Variants in ZNF212 observed in about 807,000 individuals in gnomAD.
ZNF212 encodes Zinc finger protein C2H2-150.
A neutral mutation model predicts 47.3 loss-of-function variants in ZNF212; 32 were observed. That is an observed-to-expected ratio of 0.68 (90% confidence interval 0.51 to 0.91). The LOEUF (loss-of-function observed/expected upper bound fraction) is 0.91, where lower values mean the gene tolerates loss of function less well. ZNF212 is among the 40% of genes least tolerant of loss of function. The probability of loss-of-function intolerance (pLI) is 0.00; values close to 1 mark genes in which losing one functional copy is unlikely to be tolerated. For missense variants in ZNF212, 555 were observed against 622.8 expected (o/e 0.89, Z 1.16); for synonymous variants, 242 against 253.8 (o/e 0.95, Z 0.44).
intron 4 of ZNF212, among the ~76,000 whole-genome samples, chr7:149,253,283 A>G (rs376351471): frequency 2.0e-5 from 3 of 152,306 alleles, no homozygotes; most frequent in East Asian, 3.9e-4. Context: ...TTTCACAGGG[A>G]TTAAATATAA....
intron 3 of ZNF212, among the ~76,000 whole-genome samples, chr7:149,251,595 C>T (rs1349624896): frequency 7.3e-6 from 1 of 137,800 alleles, no homozygotes; most frequent in Non-Finnish European, 1.5e-5. Flanking sequence ...TCAAATGATT[C>T]TCCCACCTCA....
rs1188423434 is a variant in ZNF212, at chr7:149,254,499, C to T, written c.*84C>T. The T allele has an allele frequency of 1.3e-6, 2 of 1,485,474 alleles. No homozygotes were observed. The highest frequency in any genetic ancestry group is 1.8e-6 in the Non-Finnish European group (2 of 1,125,880). 92.0% of individuals were successfully genotyped at this position (1,485,474 alleles called of 1,614,324 possible). On this transcript the variant is annotated 3_prime_UTR_variant, in exon 5 of 5. Coordinates refer to ENST00000335870, the MANE Select transcript of ZNF212 (RefSeq NM_012256.4). The surrounding 1 kb of genome is among the most constrained non-coding windows in gnomAD (Gnocchi z 4.5). ...AGACACTGCAGTCAGGGACTGAGTT[C>T]TTCCTGAGGGCAGTTGTTTGTGATT...
Position 149,239,676 on chromosome 7 carries a change from G to GGCA in ZNF212, c.-101_-100insAGC, listed in dbSNP as rs951055152. ...AGAATGCACCTGGCATCAACACGGC[G>GGCA]GCGGCGGCGGCGGCTTCCAACAGGC... On this transcript the variant is annotated 5_prime_UTR_variant, in exon 1 of 5. Coordinates refer to ENST00000335870, the MANE Select transcript of ZNF212 (RefSeq NM_012256.4). 5 of 1,274,710 alleles carry GGCA rather than the reference G, an allele frequency of 3.9e-6. No homozygotes were observed. Among genetic ancestry groups the GGCA allele is most frequent in the East Asian group, 3.1e-5 (1 of 32,500 alleles). 79.0% of individuals were successfully genotyped at this position (1,274,710 alleles called of 1,614,324 possible). A position where few individuals can be genotyped will look rare whatever the true frequency, so the allele number is the denominator to read the frequency against.
At chr7:149,251,853 C>T (rs1004525971) in intron 3 of ZNF212, among the ~76,000 whole-genome samples, 33 of 150,192 alleles carry the variant, frequency 2.2e-4, no homozygotes, top group African/African-American at 7.9e-4. Context: ...ATCTGTAATC[C>T]CAACACTTTG....
rs541709350 is a variant in ZNF212 at position 149,254,851 on chromosome 7, A to G, written c.*436A>G. The G allele has an allele frequency of 4.2e-5, 7 of 164,930 alleles. No individual in the cohort carries two copies. The East Asian group carries it at 9.0e-4, about 21-fold the overall frequency. The allele number at this position is 164,930 out of a possible 1,614,324, so 10.2% of individuals were successfully genotyped here. ...TCTTGTTTTATAATCTCTTTGTTTA[A>G]TAATAAGTAGAAGAAATAATTTAAA... On this transcript the variant is annotated 3_prime_UTR_variant, in exon 5 of 5. Transcript: ENST00000335870. The surrounding 1 kb of genome is among the most constrained non-coding windows in gnomAD (Gnocchi z 4.5).
chr7:149,244,014 C>G (rs971862331), intron 1 of ZNF212, among the ~76,000 whole-genome samples: 12 of 152,142 alleles, frequency 7.9e-5, no homozygotes, highest in African/African-American at 2.4e-4. Flanking sequence ...TGCAACCTTG[C>G]AACCTCTGCC....
chr7:149,254,745 T>G lies in ZNF212; in HGVS notation c.*330T>G. ...TTCCAGGGCTCGTCCCGGCATTTCA[T>G]GTCTTCCCACGGGGTTGAGTCGGGC... On this transcript the variant is annotated 3_prime_UTR_variant, in exon 5 of 5. Transcript: ENST00000335870. This position sits in a 1 kb window ranked among gnomAD's most constrained non-coding sequence, Gnocchi z 4.5. 1 of 306,592 alleles carries G rather than the reference T, an allele frequency of 3.3e-6. No individual in the cohort carries two copies. The allele number at this position is 306,592 out of a possible 1,614,324, so 19.0% of individuals were successfully genotyped here. A position where few individuals can be genotyped will look rare whatever the true frequency, so the allele number is the denominator to read the frequency against.
chr7:149,247,353 A>G (rs1796693475), intron 1 of ZNF212, among the ~76,000 whole-genome samples: 1 of 151,710 alleles, frequency 6.6e-6, no homozygotes, highest in African/African-American at 2.4e-5. Context: ...CAAGTGATCC[A>G]TCTTAGCCTC....
chr7:149,254,494 G>C lies in ZNF212; in HGVS notation c.*79G>C. 1 of 1,495,606 alleles carries C rather than the reference G, an allele frequency of 6.7e-7. No individual in the cohort carries two copies. Among genetic ancestry groups the C allele is most frequent in the Non-Finnish European group, 8.8e-7 (1 of 1,131,742 alleles). The allele number at this position is 1,495,606 out of a possible 1,614,324, so 92.6% of individuals were successfully genotyped here. A position where few individuals can be genotyped will look rare whatever the true frequency, so the allele number is the denominator to read the frequency against. ...CGAAGAGACACTGCAGTCAGGGACTGAGTTCTTCCTGAGGGCAGTTGTTTG... is the reference window on the plus strand; with the variant it reads ...CGAAGAGACACTGCAGTCAGGGACTCAGTTCTTCCTGAGGGCAGTTGTTTG... On this transcript the variant is annotated 3_prime_UTR_variant, in exon 5 of 5. Transcript: ENST00000335870. This position sits in a 1 kb window ranked among gnomAD's most constrained non-coding sequence, Gnocchi z 4.5.
At chr7:149,246,617 A>T (rs1427333881) in intron 1 of ZNF212, among the ~76,000 whole-genome samples, 1 of 151,966 alleles carries the variant, frequency 6.6e-6, no homozygotes, top group Non-Finnish European at 1.5e-5. Flanking sequence ...TGATCTCCTG[A>T]CCTCATGATC....
intron 1 of ZNF212, among the ~76,000 whole-genome samples, chr7:149,245,940 G>C (rs1796670041): frequency 6.6e-6 from 1 of 152,158 alleles, no homozygotes; most frequent in Admixed American, 6.5e-5. Flanking sequence ...ATTATAGTCA[G>C]CTCTGAATGT....
At chr7:149,247,508 T>A (rs902511902) in intron 1 of ZNF212, among the ~76,000 whole-genome samples, 1 of 152,252 alleles carries the variant, frequency 6.6e-6, no homozygotes, top group Non-Finnish European at 1.5e-5. Context: ...AGTAGTCTAC[T>A]ACTAAGTAGC....
chr7:149,241,794 T>A (rs1796592598), intron 1 of ZNF212, among the ~76,000 whole-genome samples: 1 of 152,136 alleles, frequency 6.6e-6, no homozygotes, highest in Non-Finnish European at 1.5e-5. Flanking sequence ...GGAACACACA[T>A]CTCAGAGCCT....
At chr7:149,240,813 A>G (rs1796577097) in intron 1 of ZNF212, among the ~76,000 whole-genome samples, 1 of 152,188 alleles carries the variant, frequency 6.6e-6, no homozygotes, top group Admixed American at 6.5e-5. Context: ...TGTGGGGAAA[A>G]TTTGACCATG....
chr7:149,255,159 A>AG lies in ZNF212; in HGVS notation c.*748dup, dbSNP rs1424726165. Reference sequence around the variant, plus strand: ...AAAGGACCAAGAGGAAAAGAGTCGGAGGGGTAGACCCTGCAGCCCTGTTGA... The same window carrying AG: ...AAAGGACCAAGAGGAAAAGAGTCGGAGGGGGTAGACCCTGCAGCCCTGTTGA... On this transcript the variant is annotated 3_prime_UTR_variant, in exon 5 of 5. Transcript: ENST00000335870. The AG allele has an allele frequency of 8.3e-5, 10 of 121,068 alleles. No individual in the cohort carries two copies. The Admixed American group carries it at 8.8e-4, about 11-fold the overall frequency. The allele number at this position is 121,068 out of a possible 1,614,324, so 7.5% of individuals were successfully genotyped here. A position where few individuals can be genotyped will look rare whatever the true frequency, so the allele number is the denominator to read the frequency against.
Position 149,251,676 on chromosome 7 carries a change from A to G in ZNF212, c.541+869A>G, listed in dbSNP as rs544543170. Among the ~76,000 whole-genome samples the G allele has an allele frequency of 1.7e-4, 25 of 150,712 alleles. 1 individual carries two copies. Among genetic ancestry groups the G allele is most frequent in the African/African-American group, 6.1e-4 (25 of 41,080 alleles). The stretch of plus-strand genomic sequence containing the variant: ...CTAATTTTTTAAATTTTTTGTAGAG[A>G]CGTGGGTCTTACTGTGTTGCCCAGG... On this transcript the variant is annotated intron_variant, in intron 3 of 4. Coordinates refer to ENST00000335870, the MANE Select transcript of ZNF212 (RefSeq NM_012256.4).
At chr7:149,243,096 T>C (rs977527386) in intron 1 of ZNF212, among the ~76,000 whole-genome samples, 7 of 152,082 alleles carry the variant, frequency 4.6e-5, no homozygotes, top group Non-Finnish European at 1.0e-4. Flanking sequence ...CTAGATGGTT[T>C]AAAAGAGTTA....
intron 1 of ZNF212, chr7:149,240,018 T>C (rs886990497): frequency 2.4e-5 from 12 of 495,434 alleles, no homozygotes; most frequent in Non-Finnish European, 3.8e-5. Flanking sequence ...CTCGGCGCCG[T>C]GCGCCCTTGC....
At chr7:149,244,655 T>C (rs775930061) in intron 1 of ZNF212, among the ~76,000 whole-genome samples, 1 of 152,100 alleles carries the variant, frequency 6.6e-6, no homozygotes, top group East Asian at 1.9e-4. Flanking sequence ...GTATATAATA[T>C]CAAAGTGTAG....
Sources: gnomAD v4.1 joint callset for allele counts (sites outside exome capture counted in the v4.1 genomes callset) on GRCh38, gnomAD v4.1.1 for gene constraint, Gnocchi (gnomAD v3.1) non-coding constraint, MANE v1.5 for transcripts, NCBI Gene and HGNC (gene_info 2026-07-23, HGNC 2026-07-21) for gene names.